Variants in IL1RN observed in about 807,000 individuals in gnomAD.
The protein encoded by IL1RN is interleukin 1 receptor antagonist, also known as interleukin-1 receptor antagonist protein.
Under a neutral mutation model 13.7 loss-of-function variants are expected in IL1RN, and 10 were observed. The observed-to-expected ratio is 0.73, with a 90% CI of 0.45 to 1.24. The LOEUF is 1.24. IL1RN is among the 50% of genes most tolerant of loss of function. The pLI, the probability that IL1RN is intolerant of heterozygous loss-of-function variation, is 0.00. For synonymous variants in IL1RN, 102 were observed against 82.7 expected, an observed-to-expected ratio of 1.23 and a Z score of -1.27; for missense variants, 213 against 222.1, an observed-to-expected ratio of 0.96 and a Z score of 0.26.
At chr2:113,131,271 A>G in intron 3 of IL1RN, 114 bp downstream of exon 3, 1 of 736,230 alleles carries the variant, frequency 1.4e-6, no homozygotes, top group East Asian at 2.6e-5. Flanking sequence ...GTTCTGTTCC[A>G]TGTGGTGGAA....
At chr2:113,112,395 G>C (rs765025688) in intron 1 of IL1RN, among the ~76,000 whole-genome samples, 4 of 152,202 alleles carry the variant, frequency 2.6e-5, no homozygotes, top group Admixed American at 6.5e-5. Flanking sequence ...TTGAAAAGTT[G>C]CTAGTCCTTC....
chr2:113,108,090 G>T (rs1457130557), upstream of IL1RN, among the ~76,000 whole-genome samples: 2 of 152,142 alleles, frequency 1.3e-5, no homozygotes, highest in Admixed American at 6.5e-5. Context: ...AAGTCTTACT[G>T]GGCTAAAATC....
At chr2:113,106,621 T>G (rs372892831), upstream of IL1RN, among the ~76,000 whole-genome samples, 67 of 152,184 alleles carry the variant, frequency 4.4e-4, no homozygotes, top group African/African-American at 5.6e-4. Flanking sequence ...TCCTTTCCTT[T>G]TTTTGAGAGT....
upstream of IL1RN, among the ~76,000 whole-genome samples, chr2:113,105,226 C>T (rs548848137): frequency 1.3e-5 from 2 of 152,246 alleles, no homozygotes; most frequent in South Asian, 4.1e-4. Flanking sequence ...CTGATGAACA[C>T]GATGAGTCAG....
At position 113,132,992 on chromosome 2, in the gene IL1RN, C is replaced by T; in HGVS notation, c.*121C>T. On this transcript the variant is annotated 3_prime_UTR_variant, in exon 4 of 4. Transcript: ENST00000409930. ...AGGACCAGCCATTGAGGGGTGGACCCTCAGAAGGCGTCACAACAACCTGGT... is the reference window on the plus strand; with the variant it reads ...AGGACCAGCCATTGAGGGGTGGACCTTCAGAAGGCGTCACAACAACCTGGT... 7 of 933,504 alleles carry T rather than the reference C, an allele frequency of 7.5e-6. No individual in the cohort carries two copies. The South Asian group carries it at 9.4e-5, about 13-fold the overall frequency. 57.8% of individuals were successfully genotyped at this position (933,504 alleles called of 1,614,324 possible).
chr2:113,124,737 C>T (rs1010879555), upstream of IL1RN, among the ~76,000 whole-genome samples: 1 of 152,042 alleles, frequency 6.6e-6, no homozygotes, highest in Non-Finnish European at 1.5e-5. Flanking sequence ...AAACTGAGAC[C>T]AAGACAGGCT....
chr2:113,118,713 T>A (rs1686667507), intron 1 of IL1RN, among the ~76,000 whole-genome samples: 1 of 152,258 alleles, frequency 6.6e-6, no homozygotes, highest in Non-Finnish European at 1.5e-5. Context: ...CATTGGTATG[T>A]AGACTCTAAT....
Position 113,132,745 on chromosome 2 carries a change from T to G in IL1RN, c.408T>G (p.Phe136Leu). Residue 136 changes from phenylalanine to leucine, a missense_variant, in exon 4 of 4, where the codon TTT becomes TTG. Transcript: ENST00000409930. ...CAGACAGTGGCCCCACCACCAGTTT[T>G]GAGTCTGCCGCCTGCCCCGGTTGGT... ...IRSDSGPTTS[F>L]ESAACPGWFL... The G allele has an allele frequency of 6.2e-7, 1 of 1,614,260 alleles. No homozygotes were observed. Among genetic ancestry groups the G allele is most frequent in the Non-Finnish European group, 8.5e-7 (1 of 1,180,038 alleles).
chr2:113,113,504 T>C (rs1199892207), upstream of IL1RN, among the ~76,000 whole-genome samples: 1 of 152,146 alleles, frequency 6.6e-6, no homozygotes, highest in Non-Finnish European at 1.5e-5. Flanking sequence ...TATTAATATA[T>C]CACATAGTAC....
chr2:113,123,534 G>A (rs1056186692), upstream of IL1RN, among the ~76,000 whole-genome samples: 5 of 152,174 alleles, frequency 3.3e-5, no homozygotes, highest in African/African-American at 4.8e-5. Context: ...TAGGGTAGAG[G>A]TTACCTGCTT....
intron 2 of IL1RN, chr2:113,121,603 T>A: frequency 1.0e-6 from 1 of 985,422 alleles, no homozygotes; most frequent in Non-Finnish European, 1.2e-6. Flanking sequence ...GCTCTGAACC[T>A]CAGAAAGGAT....
At chr2:113,130,042 T>C (rs1157516881) in intron 2 of IL1RN, 1 of 281,404 alleles carries the variant, frequency 3.6e-6, no homozygotes, top group Non-Finnish European at 7.1e-6. Context: ...ATGTATAAGG[T>C]TGAGCTATGT....
chr2:113,131,723 A>C (rs1159026658), intron 3 of IL1RN, among the ~76,000 whole-genome samples: 1 of 151,836 alleles, frequency 6.6e-6, no homozygotes, highest in Non-Finnish European at 1.5e-5. Context: ...TTCTCTTCCA[A>C]TCCTTATTGA....
chr2:113,130,962 G>T, intron 2 of IL1RN, 83 bp from the exon 3 acceptor site: 1 of 876,838 alleles, frequency 1.1e-6, no homozygotes, highest in Non-Finnish European at 1.9e-6. Flanking sequence ...GGGGACCAGG[G>T]GAGATAGAAA....
chr2:113,118,067 G>T (rs1399488923), intron 1 of IL1RN: 1 of 1,613,236 alleles, frequency 6.2e-7, no homozygotes, highest in Non-Finnish European at 8.5e-7. Context: ...CCTGAGAAAT[G>T]AGAGAGGAAA....
upstream of IL1RN, among the ~76,000 whole-genome samples, chr2:113,116,997 G>T (rs45462902): frequency 6.6e-6 from 1 of 152,212 alleles, no homozygotes; most frequent in Non-Finnish European, 1.5e-5. Context: ...CCGGGACTTC[G>T]TCCTGCCCAG....
Position 113,132,792 on chromosome 2 carries a change from C to T in IL1RN, c.455C>T (p.Ala152Val). The T allele has an allele frequency of 6.2e-7, 1 of 1,614,270 alleles. No homozygotes were observed. Among genetic ancestry groups the T allele is most frequent in the Non-Finnish European group, 8.5e-7 (1 of 1,180,050 alleles). ...TGGTTCCTCTGCACAGCGATGGAAG[C>T]TGACCAGCCCGTCAGCCTCACCAAT... ...PGWFLCTAME[A>V]DQPVSLTNMP... Residue 152 changes from alanine to valine, a missense_variant, in exon 4 of 4, where the codon GCT becomes GTT. By Grantham distance (64) the Ala-to-Val change is moderately conservative. Coordinates refer to ENST00000409930, the MANE Select transcript of IL1RN (RefSeq NM_173842.3).
chr2:113,127,482 C>T, upstream of IL1RN: 3 of 1,440,690 alleles, frequency 2.1e-6, no homozygotes, highest in Non-Finnish European at 2.7e-6. Flanking sequence ...AAGGGTTTCT[C>T]TTTTTGGAAA....
upstream of IL1RN, among the ~76,000 whole-genome samples, chr2:113,124,343 G>A (rs948272534): frequency 3.9e-5 from 6 of 152,164 alleles, no homozygotes; most frequent in Non-Finnish European, 8.8e-5. Context: ...GAGATAAGAC[G>A]AAACCAAGAG....
Sources: allele counts gnomAD v4.1 joint callset (sites outside exome capture counted in the v4.1 genomes callset), GRCh38; gene constraint gnomAD v4.1.1; transcripts MANE v1.5; gene names NCBI Gene and HGNC (gene_info 2026-07-23, HGNC 2026-07-21).